GALNT17: variants seen among roughly 807,000 people sequenced by gnomAD.
GALNT17 encodes UDP-GalNAc:polypeptide N-acetylgalactosaminyltransferase-like 3.
A neutral mutation model predicts 63.7 loss-of-function variants in GALNT17; 29 were observed. That is an observed-to-expected ratio of 0.46 (90% CI 0.34 to 0.62). The LOEUF (loss-of-function observed/expected upper bound fraction) is 0.62. Among genes scored for constraint, GALNT17 ranks in the 20% least tolerant of loss-of-function variants. The pLI is 0.01. For missense variants in GALNT17, 603 were observed against 799.6 expected, an observed-to-expected ratio of 0.75 and a Z score of 2.97; for synonymous variants, 305 against 318.3, an observed-to-expected ratio of 0.96 and a Z score of 0.45.
chr7:71,270,459 A>T (rs1282307533), intron 1 of GALNT17, among the ~76,000 whole-genome samples: 2 of 149,048 alleles, frequency 1.3e-5, no homozygotes, highest in African/African-American at 5.0e-5. Flanking sequence ...CGGGAGGCAA[A>T]GGTTGCAGTG....
At chr7:71,495,126 A>G (rs1788074355) in intron 5 of GALNT17, among the ~76,000 whole-genome samples, 1 of 151,916 alleles carries the variant, frequency 6.6e-6, no homozygotes, top group Admixed American at 6.6e-5. Flanking sequence ...AAATACAGAA[A>G]CTAGCTGGGC....
chr7:71,711,895 CTCTTTT>C (rs1235753214), intron 10 of GALNT17, 117 bp from the exon 11 acceptor site: 20 of 1,099,042 alleles, frequency 1.8e-5, no homozygotes, highest in Middle Eastern at 2.1e-4. Flanking sequence ...TCTTTCTCTT[CTCTTTT>C]TCTTTTTCTC....
chr7:71,597,995 A>G (rs950517266), intron 6 of GALNT17, among the ~76,000 whole-genome samples: 4 of 150,618 alleles, frequency 2.7e-5, no homozygotes, highest in African/African-American at 9.8e-5. Flanking sequence ...CCTAGGCTGG[A>G]GTGCAGTGGC....
chr7:71,386,543 G>A (rs560934043), intron 2 of GALNT17, among the ~76,000 whole-genome samples: 2 of 152,206 alleles, frequency 1.3e-5, no homozygotes, highest in South Asian at 2.1e-4. Context: ...ACGGACTCTC[G>A]GTGCACCTGT....
chr7:71,712,224 C>A lies in GALNT17; in HGVS notation c.*78C>A. 6.4e-7 allele frequency: 1 copy of A among 1,550,890 alleles called. No homozygotes were observed. The highest frequency in any genetic ancestry group is 8.7e-7 in the Non-Finnish European group (1 of 1,150,628). On this transcript the variant is annotated 3_prime_UTR_variant, in exon 11 of 11. Coordinates refer to ENST00000333538, the MANE Select transcript of GALNT17 (RefSeq NM_022479.3). ...CCAACATCTGGACCAGCTGCCCTGG[C>A]GGAGAGACAGCAAGGGGCCGGCAGG... is the stretch of plus-strand genomic sequence containing the variant.
chr7:71,206,007 T>C (rs1413334786), intron 1 of GALNT17, among the ~76,000 whole-genome samples: 1 of 151,262 alleles, frequency 6.6e-6, no homozygotes, highest in African/African-American at 2.4e-5. Flanking sequence ...TGGGTATTTA[T>C]ACAAATTACC....
chr7:71,160,652 T>A (rs1444803241), intron 1 of GALNT17, among the ~76,000 whole-genome samples: 2 of 150,908 alleles, frequency 1.3e-5, no homozygotes, highest in African/African-American at 4.9e-5. Context: ...AGTGACGGGG[T>A]TTTTCCATGT....
chr7:71,153,658 G>A lies in GALNT17; in HGVS notation c.238+20618G>A, dbSNP rs150671970. Among the ~76,000 whole-genome samples, 1,047 of 152,174 alleles carry A rather than the reference G, an allele frequency of 6.9e-3. 10 individuals are homozygous for A. The highest frequency in any genetic ancestry group is 0.023 in the African/African-American group (975 of 41,538). ...GGCCAGGAGTCGTAATCCCTGGCACGGTAATTCCAGCACTGTGGGAGGCCG... is the reference window on the plus strand; with the variant it reads ...GGCCAGGAGTCGTAATCCCTGGCACAGTAATTCCAGCACTGTGGGAGGCCG... On this transcript the variant is annotated intron_variant, in intron 1 of 10. Transcript: ENST00000333538.
chr7:71,182,818 A>C (rs1788757966), intron 1 of GALNT17, among the ~76,000 whole-genome samples: 1 of 152,136 alleles, frequency 6.6e-6, no homozygotes, highest in Non-Finnish European at 1.5e-5. Flanking sequence ...TTATGACTGC[A>C]TGTATGATGG....
At chr7:71,618,045 C>G (rs1790243273) in intron 6 of GALNT17, among the ~76,000 whole-genome samples, 1 of 152,076 alleles carries the variant, frequency 6.6e-6, no homozygotes, top group Admixed American at 6.6e-5. Flanking sequence ...GTGTTTAGTT[C>G]CCATTTATAA....
intron 2 of GALNT17, among the ~76,000 whole-genome samples, chr7:71,369,686 G>A (rs564275696): frequency 2.0e-5 from 3 of 151,842 alleles, no homozygotes; most frequent in Non-Finnish European, 2.9e-5. Context: ...CATGGCACGC[G>A]CCTGTAATCC....
chr7:71,173,124 C>G (rs1477120841), intron 1 of GALNT17, among the ~76,000 whole-genome samples: 2 of 152,166 alleles, frequency 1.3e-5, no homozygotes, highest in Non-Finnish European at 2.9e-5. Context: ...GACGCTGGCC[C>G]TGGACACTGA....
chr7:71,243,753 A>G (rs1360189903), intron 1 of GALNT17, among the ~76,000 whole-genome samples: 1 of 152,128 alleles, frequency 6.6e-6, no homozygotes, highest in Non-Finnish European at 1.5e-5. Context: ...GAGACCTCAT[A>G]AAACAGCACA....
chr7:71,134,952 A>T (rs1379704852), intron 1 of GALNT17, among the ~76,000 whole-genome samples: 1 of 145,532 alleles, frequency 6.9e-6, no homozygotes, highest in Non-Finnish European at 1.5e-5. Context: ...CCTGGGCTCA[A>T]GTCATTCTCT....
intron 2 of GALNT17, among the ~76,000 whole-genome samples, chr7:71,338,195 C>A (rs1278035393): frequency 1.3e-5 from 2 of 151,714 alleles, no homozygotes; most frequent in Non-Finnish European, 2.9e-5. Flanking sequence ...GGCGTGGTGG[C>A]GGGCGCCTGT....
intron 2 of GALNT17, 41 bp from the exon 3 acceptor site, chr7:71,388,194 T>C (rs1302945705): frequency 2.6e-5 from 41 of 1,597,942 alleles, no homozygotes; most frequent in Non-Finnish European, 3.3e-5. Flanking sequence ...TGAGCTTTTA[T>C]CCTTCCTCTG....
intron 1 of GALNT17, among the ~76,000 whole-genome samples, chr7:71,262,799 G>C (rs1272841379): frequency 2.0e-5 from 3 of 150,908 alleles, no homozygotes; most frequent in Non-Finnish European, 4.4e-5. Context: ...TCCCACCTGA[G>C]CTCCCCAAGT....
chr7:71,387,168 G>A (rs958808585), intron 2 of GALNT17, among the ~76,000 whole-genome samples: 43 of 151,772 alleles, frequency 2.8e-4, no homozygotes, highest in African/African-American at 1.0e-3. Flanking sequence ...CTTGGGCTGA[G>A]GGAGCTGGGG....
intron 9 of GALNT17, among the ~76,000 whole-genome samples, chr7:71,687,720 T>G (rs1791382925): frequency 6.6e-6 from 1 of 152,140 alleles, no homozygotes; most frequent in Admixed American, 6.6e-5. Context: ...AGGCAGATAC[T>G]TTTTAAAAAT....
Sources: allele counts gnomAD v4.1 joint callset (sites outside exome capture counted in the v4.1 genomes callset), GRCh38; gene constraint gnomAD v4.1.1; transcripts MANE v1.5; gene names NCBI Gene and HGNC (gene_info 2026-07-23, HGNC 2026-07-21).